TMPRSS9: variants seen among roughly 807,000 people sequenced by gnomAD.
The protein encoded by TMPRSS9 is transmembrane serine protease 9, also known as transmembrane protease serine 9.
A neutral mutation model predicts 111.4 loss-of-function variants in TMPRSS9; 113 were observed. That is an observed-to-expected ratio of 1.01 (90% CI 0.87 to 1.19). The LOEUF (loss-of-function observed/expected upper bound fraction) is 1.19. TMPRSS9 is among the 50% of genes most tolerant of loss of function. TMPRSS9 has a pLI of 0.00. For synonymous variants in TMPRSS9, 805 were observed against 659.1 expected (o/e 1.22, Z -3.39); for missense variants, 1,803 against 1,513.1 (o/e 1.19, Z -3.18).
intron 1 of TMPRSS9, among the ~76,000 whole-genome samples, chr19:2,391,740 CT>C (rs111240493): frequency 9.7e-4 from 129 of 132,906 alleles, no homozygotes; most frequent in Middle Eastern, 3.9e-3. Flanking sequence ...GAAAGGAAGT[CT>C]TTTTTTTTTT....
chr19:2,402,976 A>G (rs1970883511), intron 5 of TMPRSS9, 106 bp from the exon 7 acceptor site: 3 of 785,206 alleles, frequency 3.8e-6, no homozygotes, highest in African/African-American at 3.5e-5. Context: ...GGAGAGAGAG[A>G]GTTTCCACAT....
exon 9 of TMPRSS9, chr19:2,410,266 C>A (rs1436258221): frequency 1.2e-6 from 2 of 1,613,894 alleles, no homozygotes; most frequent in East Asian, 4.5e-5. Flanking sequence ...AGTGGTCAAG[C>A]CAGAGGTGCT....
At chr19:2,400,888 T>C (rs957001451) in intron 4 of TMPRSS9, among the ~76,000 whole-genome samples, 59 of 125,090 alleles carry the variant, frequency 4.7e-4, no homozygotes, top group Admixed American at 1.4e-3. Context: ...GCAGGAGAAT[T>C]GCTTAAACCT....
Position 2,417,988 on chromosome 19 carries a change from T to A in TMPRSS9, c.2018-14T>A, listed in dbSNP as rs1568188785. ...TCACTGTGCACGTGGCCTTTCTGGC[T>A]CTTTCCCTGGTAGCCACCAAGCCCG... On this transcript the variant is annotated splice_polypyrimidine_tract_variant and intron_variant, in intron 12 of 17. Transcript: ENST00000648592. The A allele has an allele frequency of 6.2e-7, 1 of 1,611,664 alleles. No individual in the cohort carries two copies. The highest frequency in any genetic ancestry group is 1.3e-5 in the African/African-American group (1 of 74,948).
chr19:2,405,438 G>C, exon 7 of TMPRSS9: 1 of 1,607,906 alleles, frequency 6.2e-7, no homozygotes. Flanking sequence ...AAGCATCCCC[G>C]GGGGAGTTTC....
At chr19:2,385,536 G>C (rs779674061), upstream of TMPRSS9, among the ~76,000 whole-genome samples, 1 of 152,072 alleles carries the variant, frequency 6.6e-6, no homozygotes, top group Non-Finnish European at 1.5e-5. Context: ...TCATCAGTGG[G>C]AGAACACCCG....
chr19:2,422,190 AG>A lies in TMPRSS9; in HGVS notation c.2495del (p.Gly832AspfsTer45). On this transcript the variant is annotated frameshift_variant, in exon 14 of 18. Coordinates refer to ENST00000648592, the Ensembl canonical transcript of TMPRSS9. LOFTEE classifies it high-confidence loss of function. ...CTTATCTGCCGTGAGCACCACTGCT[AG>A]GGGACAGACGCCATTTCCAGACGCC... 1.9e-6 allele frequency: 3 copies of A among 1,546,342 alleles called. No individual in the cohort carries two copies. The highest frequency in any genetic ancestry group is 2.6e-6 in the Non-Finnish European group (3 of 1,145,874).
chr19:2,426,078 T>C lies in TMPRSS9; in HGVS notation c.3272T>C (p.Ile1091Thr), dbSNP rs367635703. The change falls in exon 18 of 18, where the codon ATC becomes ACC. Residue 1091 changes from isoleucine (I) to threonine (T), a missense_variant. By Grantham distance (89) the Ile-to-Thr change is moderately conservative (BLOSUM62 -1). Transcript: ENST00000648592. The stretch of plus-strand genomic sequence containing the variant: ...GTGAGAGGCTGGATAGGACAGCACA[T>C]CCAGGAGTGACCACCACGTGACTGC... The C allele has an allele frequency of 1.9e-5, 31 of 1,605,230 alleles. No individual in the cohort carries two copies. The highest frequency in any genetic ancestry group is 2.5e-5 in the Non-Finnish European group (29 of 1,177,026).
intron 1 of TMPRSS9, among the ~76,000 whole-genome samples, chr19:2,367,720 T>G (rs544483561): frequency 3.4e-4 from 52 of 152,222 alleles, no homozygotes; most frequent in African/African-American, 1.1e-3. Context: ...CCTGCCACCA[T>G]GCCTGGCTAA....
intron 10 of TMPRSS9, among the ~76,000 whole-genome samples, chr19:2,415,258 G>C (rs1971200660): frequency 6.6e-6 from 1 of 151,962 alleles, no homozygotes; most frequent in African/African-American, 2.4e-5. Flanking sequence ...CTTCATTTCA[G>C]TTCACCTACA....
intron 4 of TMPRSS9, among the ~76,000 whole-genome samples, chr19:2,399,684 G>A (rs925301489): frequency 6.6e-6 from 1 of 152,114 alleles, no homozygotes; most frequent in Non-Finnish European, 1.5e-5. Flanking sequence ...GTTGTGTTGT[G>A]TTGTGTTGTC....
At chr19:2,381,902 G>A (rs377024719) in intron 1 of TMPRSS9, among the ~76,000 whole-genome samples, 8 of 152,144 alleles carry the variant, frequency 5.3e-5, no homozygotes, top group African/African-American at 1.9e-4. Context: ...GAGTGCAGTG[G>A]CGCAATCTCA....
At chr19:2,370,702 G>A (rs1389548800) in intron 1 of TMPRSS9, among the ~76,000 whole-genome samples, 3 of 152,056 alleles carry the variant, frequency 2.0e-5, no homozygotes, top group Non-Finnish European at 4.4e-5. Context: ...CCAGCCTTCA[G>A]CTTTTGCTTT....
rs1970281576 is a variant in TMPRSS9 at position 2,370,631 on chromosome 19, A to G, written c.-26+10271A>G. Reference sequence around the variant, plus strand: ...GGCGTGAGCCACCACGCCCAGCCAGAAACTTGGGTTTAAAATGGACTTTGC... The same window carrying G: ...GGCGTGAGCCACCACGCCCAGCCAGGAACTTGGGTTTAAAATGGACTTTGC... On this transcript the variant is annotated intron_variant, in intron 1 of 17. Transcript: ENST00000649857. Among the ~76,000 whole-genome samples the G allele has an allele frequency of 3.9e-5, 6 of 152,208 alleles. No individual in the cohort carries two copies. In the South Asian group the frequency reaches 1.2e-3, roughly 32 times the overall value.
At chr19:2,390,582 G>A (rs1009187436) in intron 1 of TMPRSS9, among the ~76,000 whole-genome samples, 30 of 150,932 alleles carry the variant, frequency 2.0e-4, no homozygotes, top group African/African-American at 7.3e-4. Context: ...TGGGTTGGGC[G>A]TGGTGGCTCC....
At chr19:2,364,634 C>T (rs1007173437) in intron 1 of TMPRSS9, among the ~76,000 whole-genome samples, 2 of 152,044 alleles carry the variant, frequency 1.3e-5, no homozygotes, top group Non-Finnish European at 2.9e-5. Context: ...AGAGAGTCCC[C>T]GCACACCCAC....
intron 1 of TMPRSS9, among the ~76,000 whole-genome samples, chr19:2,363,191 A>T (rs1970216085): frequency 6.6e-6 from 1 of 152,226 alleles, no homozygotes; most frequent in Non-Finnish European, 1.5e-5. Flanking sequence ...CCGTCCCTAA[A>T]GAGCATTCTT....
intron 2 of TMPRSS9, among the ~76,000 whole-genome samples, chr19:2,398,499 T>G (rs1202649840): frequency 6.6e-6 from 1 of 151,768 alleles, no homozygotes; most frequent in African/African-American, 2.4e-5. Context: ...GCACCTGTAA[T>G]CCCAGCTTCT....
At chr19:2,389,182 TC>T (rs1970534716), upstream of TMPRSS9, among the ~76,000 whole-genome samples, 2 of 150,180 alleles carry the variant, frequency 1.3e-5, no homozygotes, top group Non-Finnish European at 3.0e-5. Context: ...CAAGCGATTC[TC>T]CTGCCTCAGC....
Sources: gnomAD v4.1 joint callset for allele counts (sites outside exome capture counted in the v4.1 genomes callset) on GRCh38, gnomAD v4.1.1 for gene constraint, MANE v1.5 for transcripts, NCBI Gene and HGNC (gene_info 2026-07-23, HGNC 2026-07-21) for gene names.